The following DDX60 variants were observed in gnomAD, a reference collection of about 807,000 sequenced individuals.
DDX60 encodes probable ATP-dependent RNA helicase DDX60.
A neutral mutation model predicts 212.8 loss-of-function variants in DDX60; 165 were observed. The ratio of observed to expected loss-of-function variants is 0.78; its 90% CI spans 0.68 to 0.88. DDX60 has a LOEUF of 0.88. Among genes scored for constraint, DDX60 ranks in the 40% least tolerant of loss-of-function variants. DDX60 has a pLI of 0.00. For synonymous variants in DDX60, 703 were observed against 685.3 expected (o/e 1.03, Z -0.40); for missense variants, 1,905 against 2,003.9 (o/e 0.95, Z 0.94).
Position 168,308,071 on chromosome 4 carries a change from G to T in DDX60, c.199C>A (p.Leu67Met). The T allele has an allele frequency of 6.2e-7, 1 of 1,612,276 alleles. No homozygotes were observed. The highest frequency in any genetic ancestry group is 8.5e-7 in the Non-Finnish European group (1 of 1,179,604). The change falls in exon 4 of 38, where the codon CTG becomes ATG. Residue 67 changes from leucine (L) to methionine (M), a missense_variant. Leu to Met is a conservative substitution (Grantham distance 15). Coordinates refer to ENST00000393743, the MANE Select transcript of DDX60 (RefSeq NM_017631.6). ...KPGQNLHFFY[L>M]VERYLVDLIS... ...AGATCCACAAGATAGCGTTCAACCA[G>T]ATAGAAGAAATGGAGGTTCTGCCCA...
chr4:168,289,692 C>G (rs1452814132), intron 8 of DDX60, among the ~76,000 whole-genome samples: 1 of 152,164 alleles, frequency 6.6e-6, no homozygotes, highest in East Asian at 1.9e-4. Flanking sequence ...TGATCCTTCC[C>G]CACTAACGTG....
chr4:168,252,403 T>C, intron 27 of DDX60, 106 bp downstream of exon 27: 1 of 1,322,052 alleles, frequency 7.6e-7, no homozygotes, highest in African/African-American at 1.5e-5. Context: ...ATTGTATTAA[T>C]TATGTATTAT....
At chr4:168,286,416 A>ACACACACACACC (rs774764702) in intron 10 of DDX60, among the ~76,000 whole-genome samples, 2,309 of 115,756 alleles carry the variant, frequency 0.02, 86 homozygotes, top group East Asian at 0.12. Context: ...ACACACACAC[A>ACACACACACACC]CCACACGAGA....
intron 1 of DDX60, among the ~76,000 whole-genome samples, chr4:168,316,949 T>C: frequency 6.6e-6 from 1 of 151,124 alleles, no homozygotes; most frequent in East Asian, 1.9e-4. Flanking sequence ...TCCCAGCTAC[T>C]TGGGAGGCTG....
chr4:168,313,416 A>G (rs1246782201), intron 1 of DDX60, among the ~76,000 whole-genome samples: 2 of 152,188 alleles, frequency 1.3e-5, no homozygotes, highest in African/African-American at 4.8e-5. Flanking sequence ...AAGGTAGGTT[A>G]GAACCAGACT....
intron 6 of DDX60, among the ~76,000 whole-genome samples, chr4:168,300,580 ATGTG>A (rs59696275): frequency 3.1e-3 from 459 of 146,340 alleles, no homozygotes; most frequent in African/African-American, 9.0e-3. Flanking sequence ...TAACACCAGA[ATGTG>A]TGTGTGTGTG....
At chr4:168,244,540 C>CA (rs201823576) in intron 30 of DDX60, among the ~76,000 whole-genome samples, 5,468 of 152,166 alleles carry the variant, frequency 0.036, 137 homozygotes, top group Non-Finnish European at 0.054. Context: ...TCCTGGTCAA[C>CA]ATGGTCAAAC....
At chr4:168,219,006 C>T (rs1305899096) in intron 37 of DDX60, among the ~76,000 whole-genome samples, 2 of 151,864 alleles carry the variant, frequency 1.3e-5, no homozygotes, top group Non-Finnish European at 2.9e-5. Context: ...TTTGGCCAGG[C>T]GCAGTGGTTC....
chr4:168,230,549 C>A (rs563067642), intron 33 of DDX60, among the ~76,000 whole-genome samples: 1 of 152,068 alleles, frequency 6.6e-6, no homozygotes, highest in Non-Finnish European at 1.5e-5. Flanking sequence ...CAAAACCATG[C>A]AAATACATGG....
chr4:168,255,660 TGG>T, intron 26 of DDX60, 49 bp downstream of exon 26: 1 of 1,445,092 alleles, frequency 6.9e-7, no homozygotes, highest in East Asian at 2.4e-5. Flanking sequence ...TACTAGGACT[TGG>T]GGAGTATTTT....
chr4:168,276,238 G>A (rs1735336219), intron 14 of DDX60, 57 bp from the exon 15 acceptor site: 2 of 1,374,406 alleles, frequency 1.5e-6, no homozygotes, highest in South Asian at 1.4e-5. Context: ...TAATTCATTT[G>A]ATTACCCAAG....
In DDX60 at chr4:168,274,416, T is replaced by C. The variant is rs570801184; in HGVS notation, c.2305-333A>G. On this transcript the variant is annotated intron_variant, in intron 16 of 37. Transcript: ENST00000393743. The stretch of plus-strand genomic sequence containing the variant: ...TGTATATTACTGATGGTGAAGAAAA[T>C]AGCTGAGGAGAAGAAACATCAAACA... Among the ~76,000 whole-genome samples, 15 of 152,262 alleles carry C rather than the reference T, an allele frequency of 9.9e-5. No individual in the cohort carries two copies. In the East Asian group the frequency reaches 2.7e-3, roughly 27 times the overall value.
intron 37 of DDX60, among the ~76,000 whole-genome samples, chr4:168,217,553 G>C (rs1208035737): frequency 1.3e-5 from 2 of 152,158 alleles, no homozygotes; most frequent in East Asian, 3.9e-4. Flanking sequence ...CGATGAATAG[G>C]TCAGGTTACA....
At chr4:168,222,023 C>T in intron 35 of DDX60, 142 bp from the exon 36 acceptor site, 1 of 858,508 alleles carries the variant, frequency 1.2e-6, no homozygotes, top group South Asian at 2.0e-5. Context: ...GTGCCTTAGC[C>T]ACACATTGTG....
At chr4:168,291,211 A>G (rs1736087496) in intron 8 of DDX60, among the ~76,000 whole-genome samples, 1 of 152,330 alleles carries the variant, frequency 6.6e-6, no homozygotes, top group South Asian at 2.1e-4. Context: ...ATATGTATAT[A>G]TAGAGTTCCA....
chr4:168,220,687 C>A lies in DDX60; in HGVS notation c.5007G>T (p.Leu1669Phe). The A allele has an allele frequency of 6.9e-7, 1 of 1,453,376 alleles. No individual in the cohort carries two copies. The highest frequency in any genetic ancestry group is 1.6e-5 in the South Asian group (1 of 62,598). 90.0% of individuals were successfully genotyped at this position (1,453,376 alleles called of 1,614,324 possible). The stretch of plus-strand genomic sequence containing the variant: ...ATTTAATGGTGAGTGCAAAATCCTT[C>A]AACAAATAATAAGCATCTCCTTCAT... ...RMNEGDAYYL[L>F]KDFALTIKSI... The change falls in exon 37 of 38, where the codon TTG (leucine) becomes TTT (phenylalanine). Residue 1669 changes from leucine to phenylalanine, a missense_variant. Coordinates refer to ENST00000393743, the MANE Select transcript of DDX60 (RefSeq NM_017631.6).
intron 6 of DDX60, among the ~76,000 whole-genome samples, chr4:168,301,449 C>T (rs1343477974): frequency 1.3e-5 from 2 of 152,212 alleles, no homozygotes; most frequent in East Asian, 3.9e-4. Flanking sequence ...AAGATGAGGG[C>T]TTGTAAAAGA....
At chr4:168,303,942 A>T (rs1326628994) in intron 5 of DDX60, among the ~76,000 whole-genome samples, 1 of 152,130 alleles carries the variant, frequency 6.6e-6, no homozygotes, top group East Asian at 1.9e-4. Context: ...AGATCGCACC[A>T]CAGCACTCCA....
intron 15 of DDX60, 50 bp downstream of exon 15, chr4:168,275,965 G>T: frequency 4.9e-6 from 7 of 1,436,310 alleles, no homozygotes; most frequent in Non-Finnish European, 6.6e-6. Context: ...AACACTTTAT[G>T]TATACCTAAT....
Sources: allele counts gnomAD v4.1 joint callset (sites outside exome capture counted in the v4.1 genomes callset), GRCh38; gene constraint gnomAD v4.1.1; transcripts MANE v1.5; gene names NCBI Gene and HGNC (gene_info 2026-07-23, HGNC 2026-07-21).